CDH13: variants seen among roughly 807,000 people sequenced by gnomAD.
The protein encoded by CDH13 is cadherin-13.
CDH13 carries 24 observed loss-of-function variants against 63.8 expected under a neutral mutation model. That is an observed-to-expected ratio of 0.38 (90% CI 0.27 to 0.53). CDH13 has a LOEUF of 0.53. CDH13 is among the 20% of genes least tolerant of loss of function. The pLI is 0.85. For missense variants in CDH13, 1,049 were observed against 903.1 expected, an observed-to-expected ratio of 1.16 and a Z score of -2.07; for synonymous variants, 503 against 355.3, an observed-to-expected ratio of 1.42 and a Z score of -4.67.
chr16:82,841,193 G>A lies in CDH13; in HGVS notation c.46-17169G>A, dbSNP rs60793770. Among the ~76,000 whole-genome samples the A allele has an allele frequency of 3.0e-3, 462 of 152,244 alleles. 2 individuals carry two copies. Among genetic ancestry groups the A allele is most frequent in the African/African-American group, 0.01 (423 of 41,542 alleles). ...AAAGCTGTCCCAAATCCAGATGCTC[G>A]GTGAAAATCCCTGATATTTGAATGG... On this transcript the variant is annotated intron_variant, in intron 1 of 13. Coordinates refer to ENST00000567109, the MANE Select transcript of CDH13 (RefSeq NM_001257.5).
chr16:82,978,486 C>T (rs1373973965), intron 2 of CDH13, among the ~76,000 whole-genome samples: 2 of 152,236 alleles, frequency 1.3e-5, no homozygotes, highest in African/African-American at 4.8e-5. Context: ...CAAGTCTCCC[C>T]TGCTTTGTGC....
intron 7 of CDH13, among the ~76,000 whole-genome samples, chr16:83,523,403 C>G (rs1030467221): frequency 6.6e-6 from 1 of 152,136 alleles, no homozygotes; most frequent in African/African-American, 2.4e-5. Context: ...ATCCTGATAG[C>G]TTTTTTAGAT....
chr16:82,793,017 G>T lies in CDH13; in HGVS notation c.46-65345G>T, dbSNP rs143524247. Among the ~76,000 whole-genome samples, 278 of 152,360 alleles carry T rather than the reference G, an allele frequency of 1.8e-3. 2 individuals are homozygous for T. Among genetic ancestry groups the T allele is most frequent in the African/African-American group, 6.3e-3 (261 of 41,580 alleles). On this transcript the variant is annotated intron_variant, in intron 1 of 13. Transcript: ENST00000567109. ...ACGTTCTGGCCAGGAAGCAGAAGCA[G>T]ACTTGACTTTGGGCAGCAGTCTGCC...
chr16:82,959,572 AC>A (rs1209827741), intron 2 of CDH13, among the ~76,000 whole-genome samples: 1 of 152,180 alleles, frequency 6.6e-6, no homozygotes, highest in Non-Finnish European at 1.5e-5. Flanking sequence ...CTGAGTAGTT[AC>A]ATCTCCTTTG....
chr16:83,104,493 G>GA (rs1201851329), intron 3 of CDH13, among the ~76,000 whole-genome samples: 1 of 151,962 alleles, frequency 6.6e-6, no homozygotes, highest in African/African-American at 2.4e-5. Context: ...ACATAAAAGA[G>GA]AAATTATTGT....
intron 10 of CDH13, among the ~76,000 whole-genome samples, chr16:83,691,071 CGTGTGTGTGTGTGTGTGTGTGTGTGTGT>C (rs58023339): frequency 1.4e-5 from 2 of 140,912 alleles, no homozygotes; most frequent in South Asian, 2.5e-4. Context: ...CCAACTGTGC[CGTGTGTGTGTGTGTGTGTGTGTGTGTGT>C]GTGTGTGTGT....
chr16:83,017,883 C>G (rs929569516), intron 2 of CDH13, among the ~76,000 whole-genome samples: 1 of 152,116 alleles, frequency 6.6e-6, no homozygotes, highest in East Asian at 1.9e-4. Flanking sequence ...GGGTCATAAA[C>G]CAAAGCTTAA....
chr16:83,350,531 C>T (rs984424414), intron 6 of CDH13, among the ~76,000 whole-genome samples: 2 of 147,736 alleles, frequency 1.4e-5, no homozygotes, highest in Admixed American at 1.3e-4. Context: ...CTTTCCCTCC[C>T]TCTCTTTCCT....
intron 3 of CDH13, among the ~76,000 whole-genome samples, chr16:83,113,694 G>A (rs928563343): frequency 1.3e-5 from 2 of 152,170 alleles, no homozygotes; most frequent in Non-Finnish European, 2.9e-5. Context: ...AGTGGTGCTT[G>A]AGTGGAGAGT....
chr16:83,388,859 A>C (rs1335986318), intron 6 of CDH13, among the ~76,000 whole-genome samples: 2 of 152,158 alleles, frequency 1.3e-5, no homozygotes, highest in East Asian at 1.9e-4. Context: ...GCCCAGACCT[A>C]CTGAATCAGA....
At chr16:83,736,333 A>C (rs940764588) in intron 10 of CDH13, among the ~76,000 whole-genome samples, 1 of 152,130 alleles carries the variant, frequency 6.6e-6, no homozygotes, top group Non-Finnish European at 1.5e-5. Context: ...TCAGCCTGTT[A>C]ATATGGTAAC....
At chr16:82,752,034 C>G (rs1407601306) in intron 1 of CDH13, among the ~76,000 whole-genome samples, 1 of 152,200 alleles carries the variant, frequency 6.6e-6, no homozygotes, top group Non-Finnish European at 1.5e-5. Context: ...AAGAAATCAA[C>G]TGACAAATTT....
At chr16:83,206,254 T>C (rs552785986) in intron 4 of CDH13, among the ~76,000 whole-genome samples, 49 of 152,338 alleles carry the variant, frequency 3.2e-4, no homozygotes, top group Middle Eastern at 3.4e-3. Context: ...CCTCTGGCCG[T>C]GATTTCTCTG....
intron 4 of CDH13, chr16:83,181,159 T>A: frequency 1.4e-6 from 1 of 702,778 alleles, no homozygotes; most frequent in Admixed American, 3.2e-5. Context: ...AGTCATCACA[T>A]CTACTGAAGG....
At chr16:82,731,192 T>A (rs891015380) in intron 1 of CDH13, among the ~76,000 whole-genome samples, 2 of 152,180 alleles carry the variant, frequency 1.3e-5, no homozygotes, top group Admixed American at 1.3e-4. Context: ...CAAACTTTTT[T>A]CTGTAAAAAG....
intron 1 of CDH13, among the ~76,000 whole-genome samples, chr16:82,748,408 G>A (rs2034273848): frequency 6.6e-6 from 1 of 152,212 alleles, no homozygotes; most frequent in Non-Finnish European, 1.5e-5. Context: ...TCGTGTGTGT[G>A]ATTTGACAGT....
At chr16:83,343,777 G>A (rs2090778477) in intron 5 of CDH13, among the ~76,000 whole-genome samples, 2 of 152,148 alleles carry the variant, frequency 1.3e-5, no homozygotes, top group South Asian at 4.1e-4. Context: ...AGTGAGCTCT[G>A]GAGGCAGACT....
chr16:82,946,643 A>G (rs1038141636), intron 2 of CDH13, among the ~76,000 whole-genome samples: 5 of 151,750 alleles, frequency 3.3e-5, no homozygotes, highest in Admixed American at 3.3e-4. Context: ...ATTGCTTGAA[A>G]CCAGGAGGTG....
chr16:83,368,247 A>T (rs1006920242), intron 6 of CDH13, among the ~76,000 whole-genome samples: 1 of 152,188 alleles, frequency 6.6e-6, no homozygotes. Flanking sequence ...TCTGTTTGTT[A>T]TACACTCATA....
Sources: allele counts gnomAD v4.1 joint callset (sites outside exome capture counted in the v4.1 genomes callset), GRCh38; gene constraint gnomAD v4.1.1; transcripts MANE v1.5; gene names NCBI Gene and HGNC (gene_info 2026-07-23, HGNC 2026-07-21).